The following TGM2 variants were observed in gnomAD, a reference collection of about 807,000 sequenced individuals.
TGM2 encodes transglutaminase 2, also known as protein-glutamine gamma-glutamyltransferase 2.
In TGM2, 53 loss-of-function variants were observed where a neutral mutation model predicts 75.6. The ratio of observed to expected loss-of-function variants is 0.70; its 90% CI spans 0.56 to 0.88. The LOEUF (loss-of-function observed/expected upper bound fraction) is 0.88. TGM2 is among the 40% of genes least tolerant of loss of function. The pLI is 0.00. For synonymous variants in TGM2, 374 were observed against 381.1 expected (o/e 0.98, Z 0.22); for missense variants, 842 against 928.5 (o/e 0.91, Z 1.21).
chr20:38,144,137 C>T (rs1421726240), intron 6 of TGM2, among the ~76,000 whole-genome samples: 1 of 152,156 alleles, frequency 6.6e-6, no homozygotes, highest in Non-Finnish European at 1.5e-5. Flanking sequence ...GCCACTCTTG[C>T]CCCAGGGGTG....
upstream of TGM2, among the ~76,000 whole-genome samples, chr20:38,166,834 A>G (rs1223893559): frequency 1.3e-5 from 2 of 152,020 alleles, no homozygotes; most frequent in African/African-American, 4.8e-5. Context: ...GCCCCATTTT[A>G]TAGAGATTGT....
Position 38,161,602 on chromosome 20 carries a change from A to C in TGM2, c.11-3T>G. On this transcript the variant is annotated splice_polypyrimidine_tract_variant and splice_region_variant and intron_variant, in intron 1 of 12. Transcript: ENST00000361475. ...ATCACACCTCTCTAAGACCAGCTCTATGGAAACAGAAGGAGACGCATGAGC... is the reference window on the plus strand; with the variant it reads ...ATCACACCTCTCTAAGACCAGCTCTCTGGAAACAGAAGGAGACGCATGAGC... The C allele has an allele frequency of 6.2e-7, 1 of 1,614,136 alleles. No individual in the cohort carries two copies. Among genetic ancestry groups the C allele is most frequent in the Non-Finnish European group, 8.5e-7 (1 of 1,180,018 alleles).
In TGM2 at chr20:38,163,920, G is replaced by A. The variant is rs555837294; in HGVS notation, c.10+1269C>T. 2.6e-5 allele frequency among the ~76,000 whole-genome samples: 4 copies of A among 152,304 alleles called. No individual in the cohort carries two copies. The South Asian group carries it at 8.3e-4, about 32-fold the overall frequency. Reference sequence around the variant, plus strand: ...TTCTCCATCTGTTGTCCGAAGAAGGGTTTCCAGAAATCACGCCCAGCTCCA... The same window carrying A: ...TTCTCCATCTGTTGTCCGAAGAAGGATTTCCAGAAATCACGCCCAGCTCCA... On this transcript the variant is annotated intron_variant, in intron 1 of 12. Transcript: ENST00000361475.
At chr20:38,135,404 TACACACAC>T (rs111420640) in intron 10 of TGM2, among the ~76,000 whole-genome samples, 1 of 147,314 alleles carries the variant, frequency 6.8e-6, no homozygotes, top group Non-Finnish European at 1.5e-5. Flanking sequence ...CCTAAATGTA[TACACACAC>T]ACACACACAC....
intron 6 of TGM2, among the ~76,000 whole-genome samples, chr20:38,142,847 G>A (rs746214782): frequency 5.3e-5 from 8 of 152,168 alleles, no homozygotes; most frequent in Non-Finnish European, 1.0e-4. Flanking sequence ...ACCCCTCCTC[G>A]CACGCTGTGC....
chr20:38,159,155 T>C (rs1405045404), intron 2 of TGM2, among the ~76,000 whole-genome samples: 2 of 151,994 alleles, frequency 1.3e-5, no homozygotes, highest in African/African-American at 4.8e-5. Context: ...TACCTAACAC[T>C]ACGCTGCCCA....
chr20:38,153,631 T>G lies in TGM2; in HGVS notation c.433+2216A>C, dbSNP rs139405071. 4.4e-3 allele frequency among the ~76,000 whole-genome samples: 662 copies of G among 151,996 alleles called. 22 individuals are homozygous for G. Among genetic ancestry groups the G allele is most frequent in the Admixed American group, 0.041 (619 of 15,246 alleles). On this transcript the variant is annotated intron_variant, in intron 3 of 12. Transcript: ENST00000361475. ...GGGAAAAAACCAAGTTGTAGGTTAA[T>G]GTATACAGTGGGATCCTTTTATGTT...
intron 10 of TGM2, among the ~76,000 whole-genome samples, chr20:38,135,904 C>T (rs1301990318): frequency 1.3e-5 from 2 of 152,152 alleles, no homozygotes; most frequent in Admixed American, 6.5e-5. Flanking sequence ...CTCACGGCTG[C>T]GGGCGCATCA....
At chr20:38,165,329 C>G, upstream of TGM2, 1 of 1,430,050 alleles carries the variant, frequency 7.0e-7, no homozygotes, top group African/African-American at 1.4e-5. Flanking sequence ...GGGGGCGGGG[C>G]CCCGCGGGAA....
chr20:38,141,227 C>T, intron 8 of TGM2, 55 bp downstream of exon 8: 2 of 1,451,102 alleles, frequency 1.4e-6, no homozygotes, highest in Admixed American at 2.0e-5. Context: ...GTCACTTTAA[C>T]TCTCCAAGCC....
Position 38,127,417 on chromosome 20 carries a change from T to G in TGM2, c.*2802A>C, listed in dbSNP as rs1169671527. ...TCATGTTTTTATTTTGATTTATTTT[T>G]TATGTGCATGTCATGTCTTTCTACA... On this transcript the variant is annotated 3_prime_UTR_variant, in exon 13 of 13. Coordinates refer to ENST00000361475, the MANE Select transcript of TGM2 (RefSeq NM_004613.4). The G allele has an allele frequency of 6.2e-6, 6 of 973,218 alleles. No homozygotes were observed. Among genetic ancestry groups the G allele is most frequent in the Non-Finnish European group, 7.3e-6 (6 of 818,868 alleles). The allele number at this position is 973,218 out of a possible 1,614,324, so 60.3% of individuals were successfully genotyped here. A position where few individuals can be genotyped will look rare whatever the true frequency, so the allele number is the denominator to read the frequency against.
rs143805045 is a variant in TGM2, at chr20:38,157,373, T to G, written c.191-1284A>C. Among the ~76,000 whole-genome samples the G allele has an allele frequency of 4.9e-3, 743 of 152,266 alleles. 2 individuals carry two copies. The highest frequency in any genetic ancestry group is 0.017 in the African/African-American group (716 of 41,554). ...GCTCCCTGACTTCCAGAGCTGGCAT[T>G]TGGGGAGGAGCCATGCAGGCCTGGG... On this transcript the variant is annotated intron_variant, in intron 2 of 12. Transcript: ENST00000361475.
intron 4 of TGM2, 131 bp from the exon 5 acceptor site, chr20:38,148,220 C>A: frequency 8.3e-7 from 1 of 1,200,388 alleles, no homozygotes; most frequent in Non-Finnish European, 1.2e-6. Flanking sequence ...CCGGCCGAGT[C>A]TACCAAATCT....
At chr20:38,131,590 G>A (rs2074834990) in intron 11 of TGM2, among the ~76,000 whole-genome samples, 1 of 152,120 alleles carries the variant, frequency 6.6e-6, no homozygotes, top group South Asian at 2.1e-4. Flanking sequence ...GTACACCTTG[G>A]ATTCTTCATG....
intron 11 of TGM2, 33 bp downstream of exon 11, chr20:38,132,307 T>C (rs779989729): frequency 1.2e-6 from 2 of 1,613,580 alleles, no homozygotes; most frequent in Admixed American, 1.7e-5. Context: ...TGAGCTGCCC[T>C]GGGACCCTGC....
chr20:38,165,351 G>A (rs936688958), upstream of TGM2: 1 of 1,125,796 alleles, frequency 8.9e-7, no homozygotes, highest in African/African-American at 1.5e-5. Flanking sequence ...GCGGCGACCT[G>A]GGAGGCCACC....
chr20:38,142,506 G>A (rs1355156979), intron 6 of TGM2, among the ~76,000 whole-genome samples: 1 of 152,150 alleles, frequency 6.6e-6, no homozygotes, highest in East Asian at 1.9e-4. Context: ...AAGAGTTTGA[G>A]ACCAGCCTGG....
In TGM2 at chr20:38,146,846, T is replaced by C. The variant is rs758897726; in HGVS notation, c.730A>G (p.Asn244Asp). 1 of 1,614,038 alleles carries C rather than the reference T, an allele frequency of 6.2e-7. No individual in the cohort carries two copies. The highest frequency in any genetic ancestry group is 1.1e-5 in the South Asian group (1 of 91,074). Residue 244 changes from asparagine (N) to aspartate (D), a missense_variant, in exon 6 of 13, where the codon AAC becomes GAC. Asn to Asp is a conservative substitution (Grantham distance 23). Coordinates refer to ENST00000361475, the MANE Select transcript of TGM2 (RefSeq NM_004613.4). ...QGVLLGRWDNNYGDGVSPMSW... is the reference protein window; with the variant it reads ...QGVLLGRWDNDYGDGVSPMSW... Reference sequence around the variant, plus strand: ...ATGGGGCTGACGCCGTCCCCGTAGTTGTTGTCCCAGCGTCCCAGCAGCACA... The same window carrying C: ...ATGGGGCTGACGCCGTCCCCGTAGTCGTTGTCCCAGCGTCCCAGCAGCACA...
chr20:38,166,338 T>TCGGCCTTCTCTTCCCTCCCTCCCC, upstream of TGM2: 1 of 151,022 alleles, frequency 6.6e-6, no homozygotes, highest in Non-Finnish European at 1.5e-5. Context: ...CCTCCCTCCC[T>TCGGCCTTCTCTTCCCTCCCTCCCC]CAATCCATCC....
Sources: allele counts gnomAD v4.1 joint callset (sites outside exome capture counted in the v4.1 genomes callset), GRCh38; gene constraint gnomAD v4.1.1; transcripts MANE v1.5; gene names NCBI Gene and HGNC (gene_info 2026-07-23, HGNC 2026-07-21).